The following POLA1 variants were observed in gnomAD, a reference collection of about 807,000 sequenced individuals.
POLA1 encodes DNA polymerase alpha catalytic subunit.
POLA1 carries 15 observed loss-of-function variants against 124.0 expected under a neutral mutation model. The observed-to-expected ratio is 0.12, with a 90% CI of 0.08 to 0.19. POLA1 has a LOEUF of 0.19. Ranked by LOEUF, POLA1 falls within the 10% of genes least tolerant of loss-of-function variation. The probability of loss-of-function intolerance (pLI) is 1.00; values close to 1 mark genes in which losing one functional copy is unlikely to be tolerated. For synonymous variants in POLA1, 408 were observed against 389.4 expected, an observed-to-expected ratio of 1.05 and a Z score of -0.56; for missense variants, 886 against 1,103.4, an observed-to-expected ratio of 0.80 and a Z score of 2.79.
intron 36 of POLA1, among the ~76,000 whole-genome samples, chrX:24,956,031 T>A (rs924211751): frequency 9.0e-6 from 1 of 111,236 alleles, no homozygotes; most frequent in African/African-American, 3.3e-5. Context: ...GGCTCATGCC[T>A]TTAATCCCAG....
intron 26 of POLA1, among the ~76,000 whole-genome samples, chrX:24,784,413 A>G (rs1320992774): frequency 6.3e-5 from 7 of 111,496 alleles, no homozygotes; most frequent in African/African-American, 2.3e-4. Flanking sequence ...ACTATTTTAC[A>G]TATACTTTTT....
chrX:24,978,939 T>G (rs1468436285), intron 36 of POLA1, among the ~76,000 whole-genome samples: 1 of 111,925 alleles, frequency 8.9e-6, no homozygotes, highest in African/African-American at 3.3e-5. Flanking sequence ...GAGAAAAAAT[T>G]TAACTGTTTC....
intron 26 of POLA1, among the ~76,000 whole-genome samples, chrX:24,752,955 T>C (rs2148411439): frequency 8.9e-6 from 1 of 111,905 alleles, no homozygotes; most frequent in South Asian, 3.7e-4. Flanking sequence ...GATTTTGATA[T>C]ATGATTTTGC....
chrX:24,853,923 T>C (rs774666287), intron 34 of POLA1, among the ~76,000 whole-genome samples: 3 of 112,505 alleles, frequency 2.7e-5, no homozygotes, highest in Non-Finnish European at 5.6e-5. Flanking sequence ...GGTTGCAATT[T>C]AATAAAATTT....
chrX:24,888,669 C>T (rs2047100382), intron 35 of POLA1, among the ~76,000 whole-genome samples: 1 of 92,622 alleles, frequency 1.1e-5, no homozygotes, highest in Admixed American at 1.3e-4. Context: ...TGCAGTGGCA[C>T]GATCTCAGCT....
At position 24,724,729 on chromosome X, in the gene POLA1, T is replaced by C. The variant is rs767320335; in HGVS notation, c.1317+278T>C. Among the ~76,000 whole-genome samples the C allele has an allele frequency of 2.1e-4, 24 of 112,675 alleles. No homozygotes were observed. The South Asian group carries it at 4.8e-3, about 22-fold the overall frequency. On this transcript the variant is annotated intron_variant, in intron 12 of 36. Transcript: ENST00000379068. ...CCTCTGGTGCTTGCAACATGTCTTG[T>C]GCTCTCATTCCCAAGTGCAGAAGAA...
At chrX:24,813,387 T>C (rs1396536063) in intron 29 of POLA1, among the ~76,000 whole-genome samples, 1 of 112,010 alleles carries the variant, frequency 8.9e-6, no homozygotes, top group Non-Finnish European at 1.9e-5. Context: ...GGGCTCCTTC[T>C]CAAATCCTGT....
intron 36 of POLA1, among the ~76,000 whole-genome samples, chrX:24,943,238 AGT>A (rs993612270): frequency 6.2e-5 from 7 of 112,810 alleles, no homozygotes; most frequent in Admixed American, 9.4e-5. Flanking sequence ...AAAGAAAAGG[AGT>A]GTGGTAAGAC....
chrX:24,921,549 G>T (rs2047615734), intron 35 of POLA1, among the ~76,000 whole-genome samples: 1 of 112,044 alleles, frequency 8.9e-6, no homozygotes, highest in African/African-American at 3.2e-5. Context: ...AGCTAGAACA[G>T]TGCCTTCGCA....
chrX:24,756,833 A>C, intron 26 of POLA1, among the ~76,000 whole-genome samples: 1 of 111,179 alleles, frequency 9.0e-6, no homozygotes, highest in Admixed American at 9.6e-5. Flanking sequence ...CTTTAGCCTT[A>C]AAAATGTATA....
intron 35 of POLA1, among the ~76,000 whole-genome samples, chrX:24,928,059 G>T (rs1436170832): frequency 1.8e-5 from 2 of 112,162 alleles, no homozygotes; most frequent in African/African-American, 6.5e-5. Flanking sequence ...AATTGTATTT[G>T]ACATTGAAAA....
intron 35 of POLA1, among the ~76,000 whole-genome samples, chrX:24,919,729 A>G (rs767513602): frequency 6.6e-5 from 7 of 106,609 alleles, no homozygotes; most frequent in Non-Finnish European, 1.3e-4. Flanking sequence ...TGCTGCACCT[A>G]TCAACCCATC....
intron 26 of POLA1, among the ~76,000 whole-genome samples, chrX:24,758,497 A>G (rs1398899673): frequency 9.0e-6 from 1 of 111,581 alleles, no homozygotes; most frequent in Non-Finnish European, 1.9e-5. Context: ...AGGTTTTTGG[A>G]CATTGAAAGG....
chrX:24,935,129 A>G (rs1281505968), intron 36 of POLA1, among the ~76,000 whole-genome samples: 1 of 111,449 alleles, frequency 9.0e-6, no homozygotes, highest in Admixed American at 9.5e-5. Flanking sequence ...GTCCCACCCT[A>G]ATGACCTCAT....
intron 6 of POLA1, among the ~76,000 whole-genome samples, chrX:24,715,995 C>T (rs943969530): frequency 1.4e-4 from 16 of 111,477 alleles, no homozygotes; most frequent in Admixed American, 9.6e-4. Context: ...ATAAAGACTA[C>T]GCTCTCATTT....
chrX:24,964,570 G>A (rs2048202294), intron 36 of POLA1, among the ~76,000 whole-genome samples: 1 of 112,513 alleles, frequency 8.9e-6, no homozygotes, highest in African/African-American at 3.2e-5. Flanking sequence ...TACGTTATTA[G>A]GGAATCTGTA....
intron 2 of POLA1, among the ~76,000 whole-genome samples, chrX:24,702,784 A>G (rs1157383209): frequency 1.8e-5 from 2 of 112,171 alleles, no homozygotes; most frequent in African/African-American, 6.5e-5. Context: ...TTTCCTTCTG[A>G]ATTGTATTTG....
At chrX:24,709,927 C>T (rs1929261770) in intron 4 of POLA1, among the ~76,000 whole-genome samples, 1 of 76,795 alleles carries the variant, frequency 1.3e-5, no homozygotes, top group Non-Finnish European at 2.5e-5. Context: ...GGCAGAGGGG[C>T]TCCTCACATC....
intron 30 of POLA1, 57 bp downstream of exon 30, chrX:24,815,168 C>T (rs2045972838): frequency 9.5e-7 from 1 of 1,053,487 alleles, no homozygotes; most frequent in Non-Finnish European, 1.3e-6. Flanking sequence ...TCACCTCCTT[C>T]AGATAGTTGA....
Sources: gnomAD v4.1 joint callset for allele counts (sites outside exome capture counted in the v4.1 genomes callset) on GRCh38, gnomAD v4.1.1 for gene constraint, MANE v1.5 for transcripts, NCBI Gene and HGNC (gene_info 2026-07-23, HGNC 2026-07-21) for gene names.